Variants in CREM observed in about 807,000 individuals in gnomAD.
CREM encodes cAMP-responsive element modulator.
Under a neutral mutation model 37.3 loss-of-function variants are expected in CREM, and 13 were observed. The observed-to-expected ratio is 0.35, with a 90% CI of 0.23 to 0.55. CREM has a LOEUF of 0.55. Ranked by LOEUF, CREM falls within the 20% of genes least tolerant of loss-of-function variation. CREM has a pLI of 0.88. For synonymous variants in CREM, 124 were observed against 120.2 expected, an observed-to-expected ratio of 1.03 and a Z score of -0.21; for missense variants, 296 against 362.3, an observed-to-expected ratio of 0.82 and a Z score of 1.49.
At chr10:35,199,232 G>A (rs2095311660) in intron 6 of CREM, among the ~76,000 whole-genome samples, 1 of 152,202 alleles carries the variant, frequency 6.6e-6, no homozygotes, top group African/African-American at 2.4e-5. Flanking sequence ...CACTTTGGAA[G>A]TGAAAATAAC....
At position 35,178,766 on chromosome 10, in the gene CREM, T is replaced by C. The variant is rs2094213932; in HGVS notation, c.169-123T>C. 5 of 655,112 alleles carry C rather than the reference T, an allele frequency of 7.6e-6. No individual in the cohort carries two copies. In the South Asian group the frequency reaches 1.1e-4, roughly 14 times the overall value. The allele number at this position is 655,112 out of a possible 1,614,324, so 40.6% of individuals were successfully genotyped here. On this transcript the variant is annotated intron_variant, in intron 3 of 7. Coordinates refer to ENST00000685392, the MANE Select transcript of CREM (RefSeq NM_183011.2). The stretch of plus-strand genomic sequence containing the variant: ...TTCAGTGCAGATTCACTGTGTTCTA[T>C]TGCTCAGTTGCTTCCACAGCTCCTG...
intron 1 of CREM, among the ~76,000 whole-genome samples, chr10:35,132,906 T>G (rs1469536384): frequency 6.6e-6 from 1 of 152,226 alleles, no homozygotes; most frequent in Non-Finnish European, 1.5e-5. Flanking sequence ...CTTTCAAACT[T>G]TATTGCTCTT....
chr10:35,175,980 C>T lies in CREM; in HGVS notation c.169-2909C>T, dbSNP rs561302964. On this transcript the variant is annotated intron_variant, in intron 3 of 7. Transcript: ENST00000685392. The stretch of plus-strand genomic sequence containing the variant: ...CCACAGCCATGGGTTATTCAGTCAT[C>T]AGAAATACACACCGTTCAGGTTAGC... 1.6e-5 allele frequency: 25 copies of T among 1,551,154 alleles called. No individual in the cohort carries two copies. The East Asian group carries it at 5.6e-4, about 35-fold the overall frequency.
intron 3 of CREM, among the ~76,000 whole-genome samples, chr10:35,176,594 A>T (rs1213922930): frequency 1.3e-5 from 2 of 151,690 alleles, no homozygotes; most frequent in Non-Finnish European, 2.9e-5. Context: ...TATTTTTAGT[A>T]GAGATGGGGT....
At chr10:35,167,425 G>C (rs1265023676) in intron 3 of CREM, 8 of 337,176 alleles carry the variant, frequency 2.4e-5, no homozygotes, top group Middle Eastern at 8.0e-4. Context: ...AGAGCAGTCT[G>C]CTATATTGTG....
chr10:35,161,398 G>A (rs545814760), intron 3 of CREM, among the ~76,000 whole-genome samples: 79 of 152,166 alleles, frequency 5.2e-4, no homozygotes, highest in African/African-American at 1.8e-3. Context: ...GGGAGGCTGA[G>A]GCAGGAGAAT....
Position 35,212,171 on chromosome 10 carries a change from A to G in CREM, c.*773A>G, listed in dbSNP as rs897668475. ...CAAAAATAATGCATCCAGCAGTACA[A>G]TAAAAGTAAACCACAAAAAAATACC... On this transcript the variant is annotated 3_prime_UTR_variant, in exon 8 of 8. Transcript: ENST00000685392. 4.1e-4 allele frequency: 66 copies of G among 161,942 alleles called. No homozygotes were observed. Among genetic ancestry groups the G allele is most frequent in the Non-Finnish European group, 7.2e-4 (54 of 74,576 alleles). 10.0% of individuals were successfully genotyped at this position (161,942 alleles called of 1,614,324 possible).
intron 3 of CREM, among the ~76,000 whole-genome samples, chr10:35,160,694 A>G (rs532626124): frequency 7.9e-5 from 12 of 151,740 alleles, no homozygotes; most frequent in Admixed American, 7.8e-4. Flanking sequence ...GACTTTTGTA[A>G]TAACACTTAG....
chr10:35,163,814 T>G (rs185863796), intron 3 of CREM, among the ~76,000 whole-genome samples: 7 of 151,612 alleles, frequency 4.6e-5, no homozygotes, highest in African/African-American at 1.7e-4. Flanking sequence ...AGAGTGAAAC[T>G]CCGTCTCCAA....
rs1589300050 is a variant in CREM, at chr10:35,139,412, G to T, written c.44+1533G>T. ...TGGGATTACAGGCATGAGCCACCAT[G>T]CCCAGCCACCATTTTAGCAAATTTT... On this transcript the variant is annotated intron_variant, in intron 2 of 7. Coordinates refer to ENST00000685392, the MANE Select transcript of CREM (RefSeq NM_183011.2). 3.3e-5 allele frequency among the ~76,000 whole-genome samples: 5 copies of T among 152,226 alleles called. No homozygotes were observed. The South Asian group carries it at 1.0e-3, about 32-fold the overall frequency.
Position 35,135,742 on chromosome 10 carries a change from AAG to A in CREM, c.-54-2034_-54-2033del, listed in dbSNP as rs762721352. ...TCTGGAAAAAAAAAAAAAAAAAAAA[AAG>A]AGAGACATTAAAAAAAAATGAGACA... On this transcript the variant is annotated intron_variant, in intron 1 of 7. Transcript: ENST00000685392. Among the ~76,000 whole-genome samples the A allele has an allele frequency of 2.6e-3, 199 of 76,514 alleles. 2 individuals are homozygous for A. The highest frequency in any genetic ancestry group is 6.9e-3 in the African/African-American group (195 of 28,246). The allele number at this position is 76,514 out of a possible 152,430, so 50.2% of individuals were successfully genotyped here.
At chr10:35,188,923 C>T (rs1159465718) in intron 6 of CREM, among the ~76,000 whole-genome samples, 1 of 152,098 alleles carries the variant, frequency 6.6e-6, no homozygotes, top group Non-Finnish European at 1.5e-5. Flanking sequence ...AGGTGGAGGC[C>T]TCAGCCTCCT....
intron 2 of CREM, among the ~76,000 whole-genome samples, chr10:35,145,227 G>A (rs2091936331): frequency 6.9e-6 from 1 of 144,676 alleles, no homozygotes; most frequent in Admixed American, 7.0e-5. Context: ...AGCCCTATTT[G>A]TACCAGTCCT....
At chr10:35,157,853 C>T (rs1265901598) in intron 3 of CREM, among the ~76,000 whole-genome samples, 2 of 143,240 alleles carry the variant, frequency 1.4e-5, no homozygotes, top group Non-Finnish European at 3.1e-5. Context: ...AAAGATGCCA[C>T]CAGAAAAACC....
intron 6 of CREM, among the ~76,000 whole-genome samples, chr10:35,198,951 A>G (rs2095302548): frequency 1.3e-5 from 2 of 151,996 alleles, no homozygotes; most frequent in Admixed American, 1.3e-4. Context: ...GGAGTTCAAG[A>G]CCAGCCTGGC....
chr10:35,206,141 G>A (rs558951213), intron 6 of CREM, among the ~76,000 whole-genome samples: 2 of 152,072 alleles, frequency 1.3e-5, no homozygotes, highest in African/African-American at 4.8e-5. Context: ...CCAGCTACTC[G>A]GGAGGCTGAG....
chr10:35,162,492 A>G (rs550283948), intron 3 of CREM, among the ~76,000 whole-genome samples: 1 of 152,332 alleles, frequency 6.6e-6, no homozygotes, highest in South Asian at 2.1e-4. Context: ...TACATAATGT[A>G]TATATACTCC....
At chr10:35,193,624 T>TA (rs11441074) in intron 6 of CREM, among the ~76,000 whole-genome samples, 1,897 of 152,288 alleles carry the variant, frequency 0.012, 42 homozygotes, top group African/African-American at 0.043. Flanking sequence ...ATTGAAACCC[T>TA]AACCCCATTG....
At chr10:35,186,259 C>T (rs988776418) in intron 5 of CREM, among the ~76,000 whole-genome samples, 1 of 152,098 alleles carries the variant, frequency 6.6e-6, no homozygotes, top group African/African-American at 2.4e-5. Flanking sequence ...ACAGACCTTT[C>T]AGATATTTTA....
Sources: allele counts gnomAD v4.1 joint callset (sites outside exome capture counted in the v4.1 genomes callset), GRCh38; gene constraint gnomAD v4.1.1; transcripts MANE v1.5; gene names NCBI Gene and HGNC (gene_info 2026-07-23, HGNC 2026-07-21).